SLC16A7: variants seen among roughly 807,000 people sequenced by gnomAD.
SLC16A7 encodes the protein monocarboxylate transporter 2.
SLC16A7 carries 33 observed loss-of-function variants against 34.9 expected under a neutral mutation model. The ratio of observed to expected loss-of-function variants is 0.94; its 90% confidence interval spans 0.72 to 1.26. The LOEUF is 1.26. Among genes scored for constraint, SLC16A7 ranks in the 50% most tolerant of loss-of-function variants. The probability of loss-of-function intolerance (pLI) is 0.00; values close to 1 mark genes in which losing one functional copy is unlikely to be tolerated. For synonymous variants in SLC16A7, 201 were observed against 206.6 expected (o/e 0.97, Z 0.23); for missense variants, 573 against 578.1 (o/e 0.99, Z 0.09).
chr12:59,740,177 G>C (rs1299322204), intron 3 of SLC16A7, among the ~76,000 whole-genome samples: 2 of 151,334 alleles, frequency 1.3e-5, no homozygotes, highest in Admixed American at 1.3e-4. Flanking sequence ...TATGGTTTTA[G>C]GTCTAACGTT....
intron 1 of SLC16A7, among the ~76,000 whole-genome samples, chr12:59,646,808 G>A (rs984202340): frequency 1.3e-5 from 2 of 152,162 alleles, no homozygotes; most frequent in African/African-American, 4.8e-5. Flanking sequence ...TAAGGCCATG[G>A]GAGCTCACTT....
intron 3 of SLC16A7, among the ~76,000 whole-genome samples, chr12:59,738,851 A>T (rs1457178922): frequency 1.3e-5 from 2 of 150,258 alleles, no homozygotes; most frequent in African/African-American, 4.9e-5. Context: ...TTTAGTTTAC[A>T]TTTTTATTAA....
At chr12:59,662,681 T>C (rs977934662) in intron 2 of SLC16A7, among the ~76,000 whole-genome samples, 12 of 152,090 alleles carry the variant, frequency 7.9e-5, no homozygotes, top group Admixed American at 7.2e-4. Flanking sequence ...AGTAACGTGA[T>C]TTCTCTGTGC....
chr12:59,699,539 T>C (rs576673401), intron 2 of SLC16A7, among the ~76,000 whole-genome samples: 1 of 151,860 alleles, frequency 6.6e-6, no homozygotes, highest in Admixed American at 6.6e-5. Flanking sequence ...GTCCAGTATC[T>C]CTGAAGAATT....
At chr12:59,774,103 C>A (rs17122980) in intron 4 of SLC16A7, among the ~76,000 whole-genome samples, 11,809 of 152,170 alleles carry the variant, frequency 0.078, 551 homozygotes, top group Middle Eastern at 0.17. Context: ...TAAATGTGGA[C>A]TGTGAGGGAT....
chr12:59,704,659 C>G (rs1873349776), intron 2 of SLC16A7, 113 bp from the exon 3 acceptor site: 1 of 609,560 alleles, frequency 1.6e-6, no homozygotes, highest in Admixed American at 3.0e-5. Context: ...GAAAAATATT[C>G]ATGAAAAATC....
At chr12:59,637,802 C>G (rs1448092516) in intron 1 of SLC16A7, among the ~76,000 whole-genome samples, 4 of 152,140 alleles carry the variant, frequency 2.6e-5, no homozygotes, top group East Asian at 3.9e-4. Flanking sequence ...CATAAGGGCT[C>G]TGCCTTCATA....
intron 2 of SLC16A7, among the ~76,000 whole-genome samples, chr12:59,659,305 A>G (rs1868706199): frequency 6.6e-6 from 1 of 152,062 alleles, no homozygotes. Context: ...CATATTTCTT[A>G]CATGCATATA....
rs1055428086 is a variant in SLC16A7, at chr12:59,786,217, A to G, written c.*6538A>G. On this transcript the variant is annotated 3_prime_UTR_variant, in exon 6 of 6. Transcript: ENST00000547379. ...AAATAAAATAAAATAAAATAATAAA[A>G]ATAAAAATAAAATAGAATAAGTTGA... The G allele has an allele frequency of 4.0e-5, 6 of 150,532 alleles. No homozygotes were observed. Among genetic ancestry groups the G allele is most frequent in the African/African-American group, 1.2e-4 (5 of 40,828 alleles). 9.3% of individuals were successfully genotyped at this position (150,532 alleles called of 1,614,324 possible).
In SLC16A7 at chr12:59,666,387, G is replaced by A. The variant is rs77746485; in HGVS notation, c.-31+11137G>A. Among the ~76,000 whole-genome samples the A allele has an allele frequency of 3.2e-3, 492 of 152,234 alleles. 2 individuals carry two copies. The highest frequency in any genetic ancestry group is 5.1e-3 in the Non-Finnish European group (345 of 68,010). ...AGTTCAGTTTACATAATCCCATTAG[G>A]ATTTCCTTAGGTATTTAAGTTCTGT... On this transcript the variant is annotated intron_variant, in intron 2 of 5. Coordinates refer to ENST00000547379, the MANE Select transcript of SLC16A7 (RefSeq NM_001270623.2).
At chr12:59,688,004 A>G (rs1044850466) in intron 2 of SLC16A7, among the ~76,000 whole-genome samples, 1 of 152,122 alleles carries the variant, frequency 6.6e-6, no homozygotes, top group Non-Finnish European at 1.5e-5. Flanking sequence ...TCGTAAGTGT[A>G]TGGTAGAAGA....
intron 3 of SLC16A7, among the ~76,000 whole-genome samples, chr12:59,744,257 A>G (rs760691075): frequency 6.6e-6 from 1 of 151,266 alleles, no homozygotes; most frequent in Non-Finnish European, 1.5e-5. Context: ...CCCACCCAGC[A>G]CCCCCATCCC....
At chr12:59,605,990 A>G (rs1220351767) in intron 1 of SLC16A7, among the ~76,000 whole-genome samples, 1 of 152,218 alleles carries the variant, frequency 6.6e-6, no homozygotes, top group African/African-American at 2.4e-5. Flanking sequence ...TAATGTAGGT[A>G]GTCAATAAAT....
At chr12:59,649,524 G>T (rs1234897209) in intron 1 of SLC16A7, among the ~76,000 whole-genome samples, 1 of 152,176 alleles carries the variant, frequency 6.6e-6, no homozygotes, top group Non-Finnish European at 1.5e-5. Context: ...AAGTGAGGAT[G>T]ACAATGTTCA....
At chr12:59,636,517 T>G (rs934174899) in intron 1 of SLC16A7, among the ~76,000 whole-genome samples, 1 of 152,134 alleles carries the variant, frequency 6.6e-6, no homozygotes, top group Admixed American at 6.6e-5. Flanking sequence ...CAGGTTGTAG[T>G]GCAATGGCAC....
chr12:59,605,326 G>A (rs950548985), intron 1 of SLC16A7, among the ~76,000 whole-genome samples: 5 of 152,272 alleles, frequency 3.3e-5, no homozygotes, highest in East Asian at 1.9e-4. Flanking sequence ...AGTAGGGACC[G>A]AAGGAACAGT....
intron 3 of SLC16A7, among the ~76,000 whole-genome samples, chr12:59,752,474 C>T (rs929030859): frequency 3.9e-5 from 6 of 151,968 alleles, no homozygotes; most frequent in South Asian, 2.1e-4. Context: ...ACCTCAGGAG[C>T]GGATGTGATC....
intron 3 of SLC16A7, among the ~76,000 whole-genome samples, chr12:59,727,231 A>C (rs1292445572): frequency 6.6e-6 from 1 of 151,476 alleles, no homozygotes; most frequent in Non-Finnish European, 1.5e-5. Flanking sequence ...TGAGGTATTT[A>C]GTCATGAAAA....
At chr12:59,743,061 C>A (rs889554955) in intron 3 of SLC16A7, among the ~76,000 whole-genome samples, 1 of 152,150 alleles carries the variant, frequency 6.6e-6, no homozygotes, top group Non-Finnish European at 1.5e-5. Context: ...TAATGCTAGG[C>A]TGCAGAAGAA....
Sources: gnomAD v4.1 joint callset for allele counts (sites outside exome capture counted in the v4.1 genomes callset) on GRCh38, gnomAD v4.1.1 for gene constraint, MANE v1.5 for transcripts, NCBI Gene and HGNC (gene_info 2026-07-23, HGNC 2026-07-21) for gene names.